Variants in KATNAL2 observed in about 807,000 individuals in gnomAD.
KATNAL2 encodes katanin catalytic subunit A1 like 2.
KATNAL2 carries 52 observed loss-of-function variants against 76.3 expected under a neutral mutation model. That is an observed-to-expected ratio of 0.68 (90% CI 0.55 to 0.86). The LOEUF is 0.86. KATNAL2 is among the 40% of genes least tolerant of loss of function. KATNAL2 has a pLI of 0.00. For missense variants in KATNAL2, 660 were observed against 668.9 expected (o/e 0.99, Z 0.15); for synonymous variants, 243 against 244.2 (o/e 1.00, Z 0.05).
chr18:47,082,260 A>G (rs574363307), intron 15 of KATNAL2, among the ~76,000 whole-genome samples: 16 of 152,324 alleles, frequency 1.1e-4, no homozygotes, highest in Admixed American at 5.2e-4. Flanking sequence ...TGTCCTGTGC[A>G]TTGATGATGT....
intron 3 of KATNAL2, among the ~76,000 whole-genome samples, chr18:46,962,037 C>A (rs574901296): frequency 6.6e-6 from 1 of 152,156 alleles, no homozygotes; most frequent in Non-Finnish European, 1.5e-5. Context: ...GTATGTTAGT[C>A]CTTCCAAAAA....
intron 1 of KATNAL2, among the ~76,000 whole-genome samples, chr18:46,924,668 A>G (rs2058674137): frequency 6.6e-6 from 1 of 152,200 alleles, no homozygotes. Flanking sequence ...TACTTTGGGC[A>G]GTATGGCCAT....
At chr18:46,921,214 G>A (rs140488916) in intron 1 of KATNAL2, among the ~76,000 whole-genome samples, 1,680 of 152,120 alleles carry the variant, frequency 0.011, 17 homozygotes, top group Non-Finnish European at 0.017. Context: ...TGCAACCTCT[G>A]CCCCCCCGAA....
chr18:46,961,539 T>A (rs545400778), intron 3 of KATNAL2, among the ~76,000 whole-genome samples: 1 of 152,318 alleles, frequency 6.6e-6, no homozygotes, highest in African/African-American at 2.4e-5. Context: ...TTCCTATTAC[T>A]AGCAATAAAC....
At position 47,069,395 on chromosome 18, in the gene KATNAL2, C is replaced by T. The variant is rs560048151; in HGVS notation, c.890-87C>T. On this transcript the variant is annotated intron_variant, in intron 12 of 17. Transcript: ENST00000683218. ...GCACACGAGAGCTGAGCAGTCACTT[C>T]CTTCCTTGTGTGTGAGACTGACTTC... 670 of 1,371,212 alleles carry T rather than the reference C, an allele frequency of 4.9e-4. 1 individual carries two copies. The highest frequency in any genetic ancestry group is 4.8e-4 in the Non-Finnish European group (471 of 975,442). 84.9% of individuals were successfully genotyped at this position (1,371,212 alleles called of 1,614,324 possible). A position where few individuals can be genotyped will look rare whatever the true frequency, so the allele number is the denominator to read the frequency against.
At chr18:47,059,719 C>CA in intron 8 of KATNAL2, 65 bp downstream of exon 8, 1 of 1,139,932 alleles carries the variant, frequency 8.8e-7, no homozygotes, top group Non-Finnish European at 1.3e-6. Flanking sequence ...AACATGAAAA[C>CA]AAAAAACATT....
intron 3 of KATNAL2, among the ~76,000 whole-genome samples, chr18:47,044,557 G>C (rs2061085594): frequency 1.3e-5 from 2 of 151,768 alleles, no homozygotes; most frequent in South Asian, 4.2e-4. Context: ...TCAGGAGTTC[G>C]AGACCAGCCT....
chr18:47,058,109 T>C, intron 6 of KATNAL2, 126 bp from the exon 7 acceptor site: 1 of 706,380 alleles, frequency 1.4e-6, no homozygotes, highest in East Asian at 2.6e-5. Flanking sequence ...GGAAGGGCCC[T>C]ATAGTTGCCA....
intron 1 of KATNAL2, among the ~76,000 whole-genome samples, chr18:46,929,987 C>G (rs181399768): frequency 1.6e-3 from 239 of 152,208 alleles, no homozygotes; most frequent in African/African-American, 4.5e-3. Flanking sequence ...GTTGGCCAGG[C>G]TGGTCTCGAA....
chr18:46,925,971 CTCTTT>C (rs1568975646), intron 1 of KATNAL2, among the ~76,000 whole-genome samples: 1 of 151,936 alleles, frequency 6.6e-6, no homozygotes, highest in African/African-American at 2.4e-5. Flanking sequence ...TGATTCTTCT[CTCTTT>C]TCTTCTTTAT....
intron 4 of KATNAL2, among the ~76,000 whole-genome samples, chr18:47,052,001 A>T (rs2061353675): frequency 2.0e-5 from 3 of 152,238 alleles, no homozygotes; most frequent in Admixed American, 2.0e-4. Context: ...AAGAACTCTA[A>T]CCTGCAGCAG....
chr18:46,944,480 C>A (rs1411647178), intron 1 of KATNAL2, among the ~76,000 whole-genome samples: 1 of 152,110 alleles, frequency 6.6e-6, no homozygotes. Flanking sequence ...CCTGTAATCC[C>A]AGCACTTTGG....
At chr18:47,078,233 C>A (rs908068026) in intron 15 of KATNAL2, among the ~76,000 whole-genome samples, 1 of 152,120 alleles carries the variant, frequency 6.6e-6, no homozygotes, top group African/African-American at 2.4e-5. Flanking sequence ...TGACCTCATG[C>A]CCCTCACACC....
chr18:47,086,909 T>C (rs1555641948), intron 15 of KATNAL2, among the ~76,000 whole-genome samples: 1 of 152,216 alleles, frequency 6.6e-6, no homozygotes, highest in Non-Finnish European at 1.5e-5. Context: ...ACTTTCAACC[T>C]GGTTATTCTG....
intron 3 of KATNAL2, among the ~76,000 whole-genome samples, chr18:46,959,464 T>C (rs1201677473): frequency 6.6e-6 from 1 of 152,226 alleles, no homozygotes; most frequent in Non-Finnish European, 1.5e-5. Context: ...GAACCTTTTT[T>C]TTAAAAAAAA....
chr18:47,086,059 C>T (rs1437425132), intron 15 of KATNAL2, among the ~76,000 whole-genome samples: 1 of 152,030 alleles, frequency 6.6e-6, no homozygotes, highest in Non-Finnish European at 1.5e-5. Context: ...CACCACTGCA[C>T]CCCAGCCTGG....
chr18:46,922,625 G>A (rs1425684956), intron 1 of KATNAL2, among the ~76,000 whole-genome samples: 2 of 151,780 alleles, frequency 1.3e-5, no homozygotes, highest in Non-Finnish European at 2.9e-5. Context: ...GAAACCTCAT[G>A]TCTATCCGCT....
intron 3 of KATNAL2, among the ~76,000 whole-genome samples, chr18:46,951,504 C>CA (rs2059554883): frequency 7.0e-6 from 1 of 143,284 alleles, no homozygotes; most frequent in African/African-American, 2.6e-5. Context: ...TACTATACAG[C>CA]TTTTTTTTTT....
At chr18:47,039,847 C>T (rs2060904236) in intron 3 of KATNAL2, among the ~76,000 whole-genome samples, 1 of 152,250 alleles carries the variant, frequency 6.6e-6, no homozygotes, top group Non-Finnish European at 1.5e-5. Flanking sequence ...AGCACCCCCA[C>T]AGTTTTCAAA....
Sources: allele counts gnomAD v4.1 joint callset (sites outside exome capture counted in the v4.1 genomes callset), GRCh38; gene constraint gnomAD v4.1.1; transcripts MANE v1.5; gene names NCBI Gene and HGNC (gene_info 2026-07-23, HGNC 2026-07-21).